TSHZ3: variants seen among roughly 807,000 people sequenced by gnomAD.
TSHZ3 encodes teashirt zinc finger homeobox 3.
In TSHZ3, 10 loss-of-function variants were observed where a neutral mutation model predicts 64.5. The ratio of observed to expected loss-of-function variants is 0.16; its 90% CI spans 0.10 to 0.26. The LOEUF is 0.26. TSHZ3 is among the 10% of genes least tolerant of loss of function. TSHZ3 has a pLI of 1.00. For missense variants in TSHZ3, 1,242 were observed against 1,421.7 expected, an observed-to-expected ratio of 0.87 and a Z score of 2.03; for synonymous variants, 608 against 593.1, an observed-to-expected ratio of 1.03 and a Z score of -0.36.
chr19:31,347,174 T>C (rs1283561967), intron 1 of TSHZ3, among the ~76,000 whole-genome samples: 1 of 143,248 alleles, frequency 7.0e-6, no homozygotes, highest in Non-Finnish European at 1.5e-5. Flanking sequence ...ACCTGAGATT[T>C]CCTGGCTGGC....
At chr19:31,195,375 A>T (rs1490822604) in intron 5 of TSHZ3, among the ~76,000 whole-genome samples, 1 of 152,148 alleles carries the variant, frequency 6.6e-6, no homozygotes, top group Non-Finnish European at 1.5e-5. Context: ...CCTATAGAGA[A>T]GCAAAAATAA....
At chr19:31,159,857 T>C (rs1436777905) in intron 5 of TSHZ3, among the ~76,000 whole-genome samples, 1 of 152,078 alleles carries the variant, frequency 6.6e-6, no homozygotes, top group Admixed American at 6.6e-5. Context: ...CATGCCCAGC[T>C]AATCTTTTAT....
At chr19:31,214,794 G>T (rs987585555) in intron 4 of TSHZ3, among the ~76,000 whole-genome samples, 1 of 151,710 alleles carries the variant, frequency 6.6e-6, no homozygotes, top group African/African-American at 2.4e-5. Context: ...TGTAGTCCCA[G>T]CTACTCGGGA....
intron 4 of TSHZ3, among the ~76,000 whole-genome samples, chr19:31,209,598 T>C (rs1975234570): frequency 6.6e-6 from 1 of 152,190 alleles, no homozygotes; most frequent in Non-Finnish European, 1.5e-5. Context: ...TAAGCATTAA[T>C]GATCTCATTA....
chr19:31,238,195 T>G (rs907663315), intron 3 of TSHZ3, among the ~76,000 whole-genome samples: 2 of 152,142 alleles, frequency 1.3e-5, no homozygotes, highest in Admixed American at 1.3e-4. Context: ...TGTTAAAATT[T>G]TTCTATCATT....
chr19:31,216,210 T>C (rs891616039), intron 4 of TSHZ3, among the ~76,000 whole-genome samples: 1 of 152,172 alleles, frequency 6.6e-6, no homozygotes, highest in African/African-American at 2.4e-5. Context: ...TTAAACTTAG[T>C]CTGCCAGAAT....
At chr19:31,294,279 C>T (rs1286403241) in intron 1 of TSHZ3, among the ~76,000 whole-genome samples, 5 of 152,138 alleles carry the variant, frequency 3.3e-5, no homozygotes, top group Non-Finnish European at 7.3e-5. Context: ...CAACACTCAG[C>T]GAATTCTCAT....
Position 31,259,531 on chromosome 19 carries a change from T to G in TSHZ3, n.64-16656A>C, listed in dbSNP as rs543738634. On this transcript the variant is annotated intron_variant and non_coding_transcript_variant, in intron 1 of 6. Transcript: ENST00000651361. The stretch of plus-strand genomic sequence containing the variant: ...AAATGGTCGTTCCCTGCTAGGCACA[T>G]GGGCTGGGGTCTGTGGTCCTGGGTG... 1.4e-4 allele frequency among the ~76,000 whole-genome samples: 21 copies of G among 152,034 alleles called. 1 individual carries two copies. The South Asian group carries it at 4.2e-3, about 30-fold the overall frequency.
At chr19:31,156,201 G>A (rs780214558) in intron 6 of TSHZ3, among the ~76,000 whole-genome samples, 1 of 152,196 alleles carries the variant, frequency 6.6e-6, no homozygotes, top group Non-Finnish European at 1.5e-5. Flanking sequence ...GCAGGACTCT[G>A]TCTGTTGTAT....
intron 4 of TSHZ3, chr19:31,207,492 A>T (rs1439893990): frequency 6.6e-6 from 1 of 152,092 alleles, no homozygotes; most frequent in Non-Finnish European, 1.5e-5. Flanking sequence ...TTCTCTCTTA[A>T]TTCCAGGGGC....
intron 3 of TSHZ3, among the ~76,000 whole-genome samples, chr19:31,235,077 A>G (rs968023612): frequency 3.3e-5 from 5 of 152,226 alleles, no homozygotes; most frequent in African/African-American, 1.2e-4. Context: ...AATAAAAATT[A>G]CATATATTTA....
chr19:31,253,550 T>G (rs1975869663), intron 1 of TSHZ3, among the ~76,000 whole-genome samples: 1 of 152,170 alleles, frequency 6.6e-6, no homozygotes, highest in Admixed American at 6.5e-5. Flanking sequence ...TTTGTAGAGA[T>G]GAAGTCTCGC....
intron 1 of TSHZ3, among the ~76,000 whole-genome samples, chr19:31,257,794 G>T (rs572562724): frequency 6.6e-6 from 1 of 152,294 alleles, no homozygotes; most frequent in East Asian, 1.9e-4. Flanking sequence ...ATGCAGAGTG[G>T]TCCCTATAAA....
chr19:31,246,926 C>T (rs1432871509), intron 1 of TSHZ3, among the ~76,000 whole-genome samples: 3 of 151,968 alleles, frequency 2.0e-5, no homozygotes, highest in African/African-American at 4.8e-5. Flanking sequence ...TGCAGAGACT[C>T]CCACTGGCCA....
At chr19:31,333,518 C>T (rs1338005949) in intron 1 of TSHZ3, among the ~76,000 whole-genome samples, 1 of 152,124 alleles carries the variant, frequency 6.6e-6, no homozygotes, top group Non-Finnish European at 1.5e-5. Flanking sequence ...AAATCCTCAG[C>T]CAACCCCGTG....
chr19:31,234,164 A>T (rs1975577305), intron 3 of TSHZ3, among the ~76,000 whole-genome samples: 1 of 152,130 alleles, frequency 6.6e-6, no homozygotes, highest in East Asian at 1.9e-4. Context: ...TCATTTTGAA[A>T]TTTTATTTTC....
intron 1 of TSHZ3, among the ~76,000 whole-genome samples, chr19:31,288,588 C>A (rs1976507999): frequency 6.6e-6 from 1 of 152,034 alleles, no homozygotes; most frequent in Non-Finnish European, 1.5e-5. Flanking sequence ...TGTCGCCCAG[C>A]CTGGAGTGTA....
At chr19:31,350,197 C>G (rs945742892), upstream of TSHZ3, among the ~76,000 whole-genome samples, 1 of 150,762 alleles carries the variant, frequency 6.6e-6, no homozygotes, top group Non-Finnish European at 1.5e-5. Context: ...CACGGGCAGG[C>G]CCCCTCCAGG....
At chr19:31,156,312 T>G (rs1406037876) in intron 6 of TSHZ3, among the ~76,000 whole-genome samples, 1 of 151,964 alleles carries the variant, frequency 6.6e-6, no homozygotes, top group African/African-American at 2.4e-5. Flanking sequence ...ACAGAGAAAA[T>G]TTTTAGCACT....
Sources: gnomAD v4.1 joint callset for allele counts (sites outside exome capture counted in the v4.1 genomes callset) on GRCh38, gnomAD v4.1.1 for gene constraint, MANE v1.5 for transcripts, NCBI Gene and HGNC (gene_info 2026-07-23, HGNC 2026-07-21) for gene names.